TMEM132D: variants seen among roughly 807,000 people sequenced by gnomAD.
TMEM132D encodes the protein transmembrane protein 132D, also known as mature OL transmembrane protein.
TMEM132D carries 21 observed loss-of-function variants against 62.3 expected under a neutral mutation model. The observed-to-expected ratio is 0.34, with a 90% CI of 0.24 to 0.49. The LOEUF (loss-of-function observed/expected upper bound fraction) is 0.49. TMEM132D is among the 20% of genes least tolerant of loss of function. The probability of loss-of-function intolerance (pLI) is 0.99; values close to 1 mark genes in which losing one functional copy is unlikely to be tolerated. For missense variants in TMEM132D, 1,346 were observed against 1,402.8 expected (o/e 0.96, Z 0.65); for synonymous variants, 621 against 575.6 (o/e 1.08, Z -1.13).
Position 129,903,247 on chromosome 12 carries a change from C to T in TMEM132D, c.79+14G>A. 6.4e-7 allele frequency: 1 copy of T among 1,551,752 alleles called. No individual in the cohort carries two copies. The highest frequency in any genetic ancestry group is 8.7e-7 in the Non-Finnish European group (1 of 1,147,084). On this transcript the variant is annotated intron_variant, in intron 1 of 8. Coordinates refer to ENST00000422113, the MANE Select transcript of TMEM132D (RefSeq NM_133448.3). The surrounding 1 kb of genome is among the most constrained non-coding windows in gnomAD (Gnocchi z 6.2). ...AAGTTAGTCCCCGGGCCCTGGCGGC[C>T]GCGGCGTCCTCACCTTTGGAAAACA...
At chr12:129,714,725 A>C (rs1382915154) in intron 1 of TMEM132D, among the ~76,000 whole-genome samples, 1 of 152,236 alleles carries the variant, frequency 6.6e-6, no homozygotes, top group East Asian at 1.9e-4. Context: ...GCTAATTATA[A>C]CTCAATAAAT....
chr12:129,571,006 G>T (rs527856086), intron 2 of TMEM132D, among the ~76,000 whole-genome samples: 1 of 152,174 alleles, frequency 6.6e-6, no homozygotes, highest in African/African-American at 2.4e-5. Flanking sequence ...ACCAAGGAAG[G>T]GGGAGGGGCT....
chr12:129,141,498 T>C (rs1266592856), intron 5 of TMEM132D, among the ~76,000 whole-genome samples: 1 of 152,186 alleles, frequency 6.6e-6, no homozygotes. Flanking sequence ...TGATGAGCAG[T>C]GCTTTATTTA....
chr12:129,815,278 T>G (rs1016564055), intron 1 of TMEM132D, among the ~76,000 whole-genome samples: 2 of 152,216 alleles, frequency 1.3e-5, no homozygotes, highest in African/African-American at 4.8e-5. Flanking sequence ...AAATCCAGAA[T>G]GCATTGTTGA....
intron 3 of TMEM132D, among the ~76,000 whole-genome samples, chr12:129,470,925 AAAG>A (rs1263673230): frequency 6.6e-6 from 1 of 152,198 alleles, no homozygotes; most frequent in African/African-American, 2.4e-5. Context: ...AAGAGGAAAG[AAAG>A]AAGTAGAAGA....
At chr12:129,100,217 T>C (rs1875256315) in intron 5 of TMEM132D, among the ~76,000 whole-genome samples, 1 of 152,160 alleles carries the variant, frequency 6.6e-6, no homozygotes, top group Non-Finnish European at 1.5e-5. Flanking sequence ...ATTTTTTGTA[T>C]TTTTAGTAGA....
chr12:129,290,632 T>C (rs886917312), intron 4 of TMEM132D, among the ~76,000 whole-genome samples: 1 of 152,224 alleles, frequency 6.6e-6, no homozygotes, highest in Admixed American at 6.5e-5. Flanking sequence ...TTTAGAAGAA[T>C]ATACAGTTTG....
intron 2 of TMEM132D, among the ~76,000 whole-genome samples, chr12:129,566,830 A>G (rs1877380373): frequency 6.6e-6 from 1 of 152,114 alleles, no homozygotes; most frequent in East Asian, 1.9e-4. Flanking sequence ...GATTTCCACA[A>G]CCCCTTATCT....
At chr12:129,426,474 G>C (rs912822192) in intron 3 of TMEM132D, among the ~76,000 whole-genome samples, 1 of 152,162 alleles carries the variant, frequency 6.6e-6, no homozygotes, top group Admixed American at 6.5e-5. Context: ...TTTGGGGAAA[G>C]CAATTGGCAG....
chr12:129,148,717 C>T (rs536266101), intron 5 of TMEM132D, among the ~76,000 whole-genome samples: 1 of 152,340 alleles, frequency 6.6e-6, no homozygotes, highest in African/African-American at 2.4e-5. Context: ...GAATTGAACA[C>T]ACCGACTTCA....
chr12:129,133,792 A>C (rs539175469), intron 5 of TMEM132D, among the ~76,000 whole-genome samples: 1 of 152,356 alleles, frequency 6.6e-6, no homozygotes, highest in East Asian at 1.9e-4. Context: ...ATTTCCTTGT[A>C]CGCGCCAATT....
intron 1 of TMEM132D, among the ~76,000 whole-genome samples, chr12:129,851,498 G>C (rs1873541384): frequency 6.6e-6 from 1 of 152,176 alleles, no homozygotes. Context: ...GAACTGTAGT[G>C]ACATGCAAAG....
At chr12:129,864,814 C>A (rs1874008164) in intron 1 of TMEM132D, among the ~76,000 whole-genome samples, 1 of 152,216 alleles carries the variant, frequency 6.6e-6, no homozygotes, top group Non-Finnish European at 1.5e-5. Context: ...ACTGTACATT[C>A]AGCATGCTCT....
At chr12:129,164,967 G>C (rs1008132900) in intron 5 of TMEM132D, among the ~76,000 whole-genome samples, 1 of 152,174 alleles carries the variant, frequency 6.6e-6, no homozygotes, top group South Asian at 2.1e-4. Flanking sequence ...TCAGTCATAC[G>C]AGCTAAAAGC....
chr12:129,280,147 AC>A (rs1413307485), intron 4 of TMEM132D, among the ~76,000 whole-genome samples: 1 of 152,222 alleles, frequency 6.6e-6, no homozygotes, highest in East Asian at 1.9e-4. Flanking sequence ...TTAAGGCCTA[AC>A]AATGTAGCTG....
At chr12:129,840,772 T>C (rs1161987525) in intron 1 of TMEM132D, among the ~76,000 whole-genome samples, 1 of 152,212 alleles carries the variant, frequency 6.6e-6, no homozygotes, top group Admixed American at 6.5e-5. Context: ...AGCACCTCAG[T>C]TCCTCATCCT....
intron 1 of TMEM132D, among the ~76,000 whole-genome samples, chr12:129,809,794 G>A (rs1478861935): frequency 6.6e-6 from 1 of 152,050 alleles, no homozygotes; most frequent in African/African-American, 2.4e-5. Flanking sequence ...ATGAAAAGTA[G>A]CAATGAGAGA....
At chr12:129,767,477 T>A (rs1006549389) in intron 1 of TMEM132D, among the ~76,000 whole-genome samples, 1 of 152,122 alleles carries the variant, frequency 6.6e-6, no homozygotes. Context: ...GAAACTGTCC[T>A]CAGTAAAAAA....
chr12:129,551,706 C>T (rs1466655544), intron 2 of TMEM132D, among the ~76,000 whole-genome samples: 1 of 152,190 alleles, frequency 6.6e-6, no homozygotes, highest in Non-Finnish European at 1.5e-5. Flanking sequence ...CTCTCTTCTA[C>T]ACGCCCTGCC....
Sources: allele counts gnomAD v4.1 joint callset (sites outside exome capture counted in the v4.1 genomes callset), GRCh38; gene constraint gnomAD v4.1.1; non-coding constraint Gnocchi (gnomAD v3.1); transcripts MANE v1.5; gene names NCBI Gene and HGNC (gene_info 2026-07-23, HGNC 2026-07-21).